The following IMMP2L variants were observed in gnomAD, a reference collection of about 807,000 sequenced individuals.
IMMP2L encodes the protein inner mitochondrial membrane peptidase subunit 2.
In IMMP2L, 18 loss-of-function variants were observed where a neutral mutation model predicts 19.3. The ratio of observed to expected loss-of-function variants is 0.93; its 90% CI spans 0.64 to 1.38. The LOEUF is 1.38. Ranked by LOEUF, IMMP2L falls within the 40% of genes most tolerant of loss-of-function variation. The pLI is 0.00. For missense variants in IMMP2L, 233 were observed against 218.2 expected (o/e 1.07, Z -0.43); for synonymous variants, 76 against 73.0 (o/e 1.04, Z -0.21).
intron 3 of IMMP2L, among the ~76,000 whole-genome samples, chr7:110,964,707 C>T (rs79214711): frequency 6.6e-6 from 1 of 151,976 alleles, no homozygotes; most frequent in East Asian, 1.9e-4. Flanking sequence ...TGGTGCATCA[C>T]TTTTGAGATT....
At chr7:111,147,443 C>G (rs949074785) in intron 3 of IMMP2L, among the ~76,000 whole-genome samples, 1 of 152,124 alleles carries the variant, frequency 6.6e-6, no homozygotes, top group African/African-American at 2.4e-5. Flanking sequence ...GCAACAGAGA[C>G]TTGTAAACTG....
chr7:111,131,648 T>C (rs1801856922), intron 3 of IMMP2L, among the ~76,000 whole-genome samples: 1 of 152,068 alleles, frequency 6.6e-6, no homozygotes, highest in South Asian at 2.1e-4. Flanking sequence ...TCTGTACATG[T>C]ATAATGTAAT....
chr7:110,754,851 T>C (rs765904217), intron 5 of IMMP2L, among the ~76,000 whole-genome samples: 2 of 151,976 alleles, frequency 1.3e-5, no homozygotes, highest in African/African-American at 2.4e-5. Flanking sequence ...AACATTATGC[T>C]CTTAACGTGG....
intron 5 of IMMP2L, among the ~76,000 whole-genome samples, chr7:110,750,117 A>G (rs1018028089): frequency 6.6e-6 from 1 of 152,082 alleles, no homozygotes; most frequent in Non-Finnish European, 1.5e-5. Flanking sequence ...ATTTGAAATG[A>G]TATAGTTAAA....
intron 5 of IMMP2L, among the ~76,000 whole-genome samples, chr7:110,742,199 A>G (rs1797031362): frequency 6.6e-6 from 1 of 152,240 alleles, no homozygotes; most frequent in Admixed American, 6.5e-5. Context: ...TTATTTTTGT[A>G]TATTTGCTTC....
intron 3 of IMMP2L, among the ~76,000 whole-genome samples, chr7:111,483,020 G>T (rs1219151087): frequency 1.3e-5 from 2 of 152,122 alleles, no homozygotes; most frequent in Non-Finnish European, 2.9e-5. Context: ...AAGGACATTA[G>T]TGGGAAAACA....
At chr7:111,270,651 T>C (rs1264894812) in intron 3 of IMMP2L, among the ~76,000 whole-genome samples, 1 of 152,114 alleles carries the variant, frequency 6.6e-6, no homozygotes, top group Non-Finnish European at 1.5e-5. Flanking sequence ...CTTTGGAAAG[T>C]AGTTGCCAAG....
chr7:110,992,273 G>T (rs377322018), intron 3 of IMMP2L, among the ~76,000 whole-genome samples: 1 of 151,848 alleles, frequency 6.6e-6, no homozygotes, highest in South Asian at 2.1e-4. Flanking sequence ...TTGGCAACAT[G>T]CTTACTAAAG....
intron 3 of IMMP2L, among the ~76,000 whole-genome samples, chr7:111,272,119 T>C (rs1031651991): frequency 2.0e-5 from 3 of 152,214 alleles, no homozygotes; most frequent in African/African-American, 7.2e-5. Context: ...AATGACTTCT[T>C]ATATCTTTTA....
At chr7:110,958,866 C>T (rs193194239) in intron 4 of IMMP2L, among the ~76,000 whole-genome samples, 117 of 152,088 alleles carry the variant, frequency 7.7e-4, no homozygotes, top group Non-Finnish European at 1.3e-3. Context: ...AAGCACAGAT[C>T]GGCAAAAGCA....
Position 110,874,640 on chromosome 7 carries a change from G to T in IMMP2L, c.408+11953C>A, listed in dbSNP as rs187549513. Among the ~76,000 whole-genome samples, 18 of 151,992 alleles carry T rather than the reference G, an allele frequency of 1.2e-4. No homozygotes were observed. In the East Asian group the frequency reaches 2.7e-3, roughly 23 times the overall value. ...TGCTTTCTTTAAATTAAAATATAGAGAAATATTATGTGACTATAATAACAT... is the reference window on the plus strand; with the variant it reads ...TGCTTTCTTTAAATTAAAATATAGATAAATATTATGTGACTATAATAACAT... On this transcript the variant is annotated intron_variant, in intron 5 of 5. Transcript: ENST00000405709.
chr7:111,083,986 T>G lies in IMMP2L; in HGVS notation c.240-120421A>C, dbSNP rs138054611. Among the ~76,000 whole-genome samples the G allele has an allele frequency of 2.3e-3, 344 of 151,944 alleles. 3 individuals carry two copies. The highest frequency in any genetic ancestry group is 8.0e-3 in the African/African-American group (330 of 41,456). On this transcript the variant is annotated intron_variant, in intron 3 of 5. Coordinates refer to ENST00000405709, the MANE Select transcript of IMMP2L (RefSeq NM_032549.4). The stretch of plus-strand genomic sequence containing the variant: ...AATAATTGAACTGAGGAATGAAGAG[T>G]GAACAGTAAGAAGTAGGCTTGCTAA...
intron 3 of IMMP2L, among the ~76,000 whole-genome samples, chr7:111,161,346 TATAAAA>T (rs1295366554): frequency 6.6e-6 from 1 of 151,914 alleles, no homozygotes; most frequent in Admixed American, 6.6e-5. Flanking sequence ...AACAAAATGC[TATAAAA>T]ATAAAATCCA....
intron 3 of IMMP2L, among the ~76,000 whole-genome samples, chr7:111,257,038 G>C (rs1816769869): frequency 6.6e-6 from 1 of 151,990 alleles, no homozygotes; most frequent in African/African-American, 2.4e-5. Context: ...AAATGCCACA[G>C]CCCAAGTTTT....
intron 4 of IMMP2L, among the ~76,000 whole-genome samples, chr7:110,928,785 C>A (rs533506575): frequency 6.6e-6 from 1 of 152,236 alleles, no homozygotes; most frequent in South Asian, 2.1e-4. Flanking sequence ...CTGAATCCTT[C>A]CTTTTTCAGG....
chr7:110,889,450 A>G (rs968995801), intron 4 of IMMP2L, among the ~76,000 whole-genome samples: 3 of 152,134 alleles, frequency 2.0e-5, no homozygotes, highest in Non-Finnish European at 4.4e-5. Flanking sequence ...CGCATTTCAC[A>G]ACAGGGTTCA....
At chr7:110,841,891 C>T (rs1274736956) in intron 5 of IMMP2L, among the ~76,000 whole-genome samples, 1 of 152,060 alleles carries the variant, frequency 6.6e-6, no homozygotes, top group African/African-American at 2.4e-5. Context: ...TCAAAATATA[C>T]AAACATAAAT....
intron 3 of IMMP2L, among the ~76,000 whole-genome samples, chr7:111,349,043 G>A (rs1040818097): frequency 2.0e-5 from 3 of 152,130 alleles, no homozygotes; most frequent in Non-Finnish European, 4.4e-5. Flanking sequence ...GAACACATCA[G>A]AGGCTGTTTT....
At chr7:110,705,740 C>A (rs1458494280) in intron 5 of IMMP2L, among the ~76,000 whole-genome samples, 1 of 151,946 alleles carries the variant, frequency 6.6e-6, no homozygotes, top group African/African-American at 2.4e-5. Flanking sequence ...TCCTTCCCCT[C>A]CCTTTCCCCC....
Sources: gnomAD v4.1 joint callset for allele counts (sites outside exome capture counted in the v4.1 genomes callset) on GRCh38, gnomAD v4.1.1 for gene constraint, MANE v1.5 for transcripts, NCBI Gene and HGNC (gene_info 2026-07-23, HGNC 2026-07-21) for gene names.